The following CELF2 variants were observed in gnomAD, a reference collection of about 807,000 sequenced individuals.
CELF2 encodes CUG triplet repeat RNA-binding protein 2.
Under a neutral mutation model 62.6 loss-of-function variants are expected in CELF2, and 8 were observed. That is an observed-to-expected ratio of 0.13 (90% confidence interval 0.07 to 0.23). The LOEUF (loss-of-function observed/expected upper bound fraction) is 0.23. Among genes scored for constraint, CELF2 ranks in the 10% least tolerant of loss-of-function variants. CELF2 has a pLI of 1.00. For synonymous variants in CELF2, 258 were observed against 250.0 expected (o/e 1.03, Z -0.30); for missense variants, 333 against 671.0 (o/e 0.50, Z 5.56).
chr10:11,026,836 C>T (rs2059296160), intron 1 of CELF2, among the ~76,000 whole-genome samples: 1 of 152,186 alleles, frequency 6.6e-6, no homozygotes, highest in Non-Finnish European at 1.5e-5. Flanking sequence ...TAGCTCATCA[C>T]TTGTAAATTC....
At chr10:11,004,522 T>C (rs1044269073), upstream of CELF2, among the ~76,000 whole-genome samples, 2 of 152,082 alleles carry the variant, frequency 1.3e-5, no homozygotes, top group Non-Finnish European at 2.9e-5. The surrounding 1 kb of genome is among the most constrained non-coding windows in gnomAD (Gnocchi z 5.0). Flanking sequence ...ATTTCCCTGG[T>C]TAACTGTACA....
chr10:11,148,147 C>A (rs560835686), intron 1 of CELF2, among the ~76,000 whole-genome samples: 1 of 152,266 alleles, frequency 6.6e-6, no homozygotes, highest in South Asian at 2.1e-4. Context: ...TAAATGTGTG[C>A]ATTAAGTTTC....
the CELF2 span, among the ~76,000 whole-genome samples, chr10:10,597,808 C>G: frequency 6.6e-6 from 1 of 152,166 alleles, no homozygotes; most frequent in Admixed American, 6.5e-5. Flanking sequence ...GACCCTAACA[C>G]TTGACTATAG....
At chr10:10,953,517 G>C (rs1468848779) in intron 2 of CELF2, among the ~76,000 whole-genome samples, 1 of 152,072 alleles carries the variant, frequency 6.6e-6, no homozygotes, top group Non-Finnish European at 1.5e-5. Flanking sequence ...ACACTTTCTT[G>C]TATATTGTTC....
the CELF2 span, among the ~76,000 whole-genome samples, chr10:10,529,877 T>C: frequency 6.6e-6 from 1 of 152,138 alleles, no homozygotes; most frequent in Non-Finnish European, 1.5e-5. Flanking sequence ...TCCAAGGCAG[T>C]GCCACCATCT....
At chr10:11,089,647 A>G (rs1410274636) in intron 1 of CELF2, among the ~76,000 whole-genome samples, 1 of 152,176 alleles carries the variant, frequency 6.6e-6, no homozygotes, top group Non-Finnish European at 1.5e-5. Flanking sequence ...TTAAGGATTA[A>G]CGAGGTAGAG....
At chr10:10,642,039 G>C in the CELF2 span, among the ~76,000 whole-genome samples, 2 of 152,078 alleles carry the variant, frequency 1.3e-5, no homozygotes, top group South Asian at 2.1e-4. Flanking sequence ...GTGAAGACCT[G>C]GTGGAAGATA....
chr10:10,540,313 C>T, the CELF2 span, among the ~76,000 whole-genome samples: 1 of 152,186 alleles, frequency 6.6e-6, no homozygotes. Context: ...AGCTCCCTGG[C>T]TCCTAGCACC....
At chr10:10,561,770 C>T in the CELF2 span, among the ~76,000 whole-genome samples, 94,543 of 151,982 alleles carry the variant, frequency 0.62, 30,429 homozygotes, top group East Asian at 0.91. Flanking sequence ...CCTCCCACCC[C>T]ACCCCTTGCC....
At chr10:10,819,922 G>C (rs2056815300) in intron 1 of CELF2, among the ~76,000 whole-genome samples, 1 of 152,044 alleles carries the variant, frequency 6.6e-6, no homozygotes, top group Non-Finnish European at 1.5e-5. Flanking sequence ...ACCTGATACT[G>C]TTTGGCTTTG....
At chr10:10,771,744 C>T in the CELF2 span, among the ~76,000 whole-genome samples, 6 of 152,176 alleles carry the variant, frequency 3.9e-5, no homozygotes, top group South Asian at 4.1e-4. Flanking sequence ...GTGAGGCTTC[C>T]CCAGCCAAGT....
intron 2 of CELF2, among the ~76,000 whole-genome samples, chr10:11,180,221 C>G (rs2072836369): frequency 6.6e-6 from 1 of 152,126 alleles, no homozygotes; most frequent in Non-Finnish European, 1.5e-5. Context: ...CTTTGGCTAC[C>G]AGATCAAATG....
intron 2 of CELF2, among the ~76,000 whole-genome samples, chr10:11,203,167 G>T (rs775528983): frequency 6.6e-5 from 10 of 152,142 alleles, no homozygotes; most frequent in Admixed American, 6.5e-4. Context: ...ACTCTAGCGT[G>T]CATGCAGCAT....
At chr10:10,585,766 C>T in the CELF2 span, among the ~76,000 whole-genome samples, 13 of 152,072 alleles carry the variant, frequency 8.5e-5, no homozygotes, top group Admixed American at 1.3e-4. Context: ...AGTCATATTG[C>T]GGAAGGATCC....
chr10:10,482,500 A>G, the CELF2 span, among the ~76,000 whole-genome samples: 1 of 152,234 alleles, frequency 6.6e-6, no homozygotes, highest in Non-Finnish European at 1.5e-5. Flanking sequence ...TAAGACTTTC[A>G]TACAACCTTA....
rs2094127149 is a variant in CELF2, at chr10:11,305,406, G to A, written c.977-8733G>A. ...ATCCCTCACGGGTACACCGGGGCCA[G>A]TCCCTTCAACACTCTGGGCCTCTGC... On this transcript the variant is annotated intron_variant, in intron 9 of 12. Coordinates refer to ENST00000633077, the MANE Select transcript of CELF2 (RefSeq NM_001326342.2). The surrounding 1 kb of genome is among the most constrained non-coding windows in gnomAD (Gnocchi z 4.8). Among the ~76,000 whole-genome samples the A allele has an allele frequency of 6.6e-6, 1 of 152,242 alleles. No individual in the cohort carries two copies. The highest frequency in any genetic ancestry group is 2.4e-5 in the African/African-American group (1 of 41,460).
At chr10:11,038,147 C>G (rs934515459) in intron 1 of CELF2, among the ~76,000 whole-genome samples, 1 of 152,178 alleles carries the variant, frequency 6.6e-6, no homozygotes, top group East Asian at 1.9e-4. Flanking sequence ...TCCCACTGTT[C>G]CCTGGAGATG....
chr10:11,152,681 G>A (rs77000984), intron 1 of CELF2, among the ~76,000 whole-genome samples: 6,024 of 152,236 alleles, frequency 0.04, 142 homozygotes, highest in Middle Eastern at 0.048. Context: ...GTTACTTTCT[G>A]TAGCATCTTT....
the CELF2 span, among the ~76,000 whole-genome samples, chr10:10,785,865 G>A: frequency 6.6e-6 from 1 of 152,148 alleles, no homozygotes; most frequent in Middle Eastern, 3.2e-3. Context: ...GAAAATTGCT[G>A]AGAGTGTAGA....
Sources: allele counts gnomAD v4.1 joint callset (sites outside exome capture counted in the v4.1 genomes callset), GRCh38; gene constraint gnomAD v4.1.1; non-coding constraint Gnocchi (gnomAD v3.1); transcripts MANE v1.5; gene names NCBI Gene and HGNC (gene_info 2026-07-23, HGNC 2026-07-21).